MEGF11: variants seen among roughly 807,000 people sequenced by gnomAD.
MEGF11 encodes the protein multiple epidermal growth factor-like domains protein 11.
In MEGF11, 126 loss-of-function variants were observed where a neutral mutation model predicts 146.6. That is an observed-to-expected ratio of 0.86 (90% CI 0.74 to 1.00). The LOEUF is 1.00. Among genes scored for constraint, MEGF11 ranks in the 50% least tolerant of loss-of-function variants. MEGF11 has a pLI of 0.00. For missense variants in MEGF11, 1,509 were observed against 1,521.2 expected (o/e 0.99, Z 0.13); for synonymous variants, 532 against 583.4 (o/e 0.91, Z 1.27).
intron 5 of MEGF11, among the ~76,000 whole-genome samples, chr15:66,087,260 G>A (rs192580968): frequency 4.6e-5 from 7 of 152,238 alleles, no homozygotes; most frequent in Admixed American, 2.0e-4. Flanking sequence ...GCACTAGACA[G>A]GTCATCAAGA....
Position 65,975,261 on chromosome 15 carries a change from G to C in MEGF11, c.763-4572C>G, listed in dbSNP as rs112350404. Among the ~76,000 whole-genome samples, 433 of 152,292 alleles carry C rather than the reference G, an allele frequency of 2.8e-3. 1 individual carries two copies. Among genetic ancestry groups the C allele is most frequent in the African/African-American group, 0.01 (421 of 41,560 alleles). ...GATCCTCCCGCCTCAGCCTTCTGAG[G>C]AGCTGGGACTGCAGGCTCATGCCAC... On this transcript the variant is annotated intron_variant, in intron 7 of 25. Coordinates refer to ENST00000395614, the MANE Select transcript of MEGF11 (RefSeq NM_001385028.1).
intron 10 of MEGF11, among the ~76,000 whole-genome samples, chr15:65,957,169 ATAAT>A (rs2080676641): frequency 1.3e-5 from 2 of 152,244 alleles, no homozygotes; most frequent in African/African-American, 4.8e-5. Context: ...ATTTAAAATG[ATAAT>A]TAAGAAGCCT....
intron 5 of MEGF11, among the ~76,000 whole-genome samples, chr15:66,050,944 A>G (rs2084423912): frequency 6.6e-6 from 1 of 152,238 alleles, no homozygotes; most frequent in Non-Finnish European, 1.5e-5. Flanking sequence ...TTAAAAGATA[A>G]TTAGCCTTAC....
Position 65,970,574 on chromosome 15 carries a change from G to C in MEGF11, c.878C>G (p.Thr293Arg), listed in dbSNP as rs1596931713. Residue 293 changes from threonine (T) to arginine (R), a missense_variant, in exon 8 of 26, where the codon ACA becomes AGA. Coordinates refer to ENST00000395614, the MANE Select transcript of MEGF11 (RefSeq NM_001385028.1). ...CDHVTGQCHC[T>R]AGYMGDRCQE... ...TTACCTGTCCCCCATGTATCCAGCT[G>C]TACAGTGGCACTGTCCAGTCACGTG... 1 of 1,614,026 alleles carries C rather than the reference G, an allele frequency of 6.2e-7. No homozygotes were observed. The highest frequency in any genetic ancestry group is 8.5e-7 in the Non-Finnish European group (1 of 1,179,890).
chr15:65,901,186 C>A (rs150274070), intron 24 of MEGF11, among the ~76,000 whole-genome samples: 288 of 152,198 alleles, frequency 1.9e-3, no homozygotes, highest in African/African-American at 6.6e-3. Flanking sequence ...GTCCAAGAAC[C>A]CCAGCATGGC....
chr15:66,170,719 G>A (rs560430621), intron 1 of MEGF11, among the ~76,000 whole-genome samples: 179 of 152,256 alleles, frequency 1.2e-3, no homozygotes, highest in Non-Finnish European at 2.2e-3. Context: ...ACACTGTGAT[G>A]CCCCTTCCCC....
At chr15:66,208,644 G>A (rs1265371130) in intron 1 of MEGF11, among the ~76,000 whole-genome samples, 1 of 152,074 alleles carries the variant, frequency 6.6e-6, no homozygotes, top group Non-Finnish European at 1.5e-5. Context: ...CACTTTGGGA[G>A]GTCAAGGTGG....
At chr15:65,903,978 C>T (rs936461092) in intron 24 of MEGF11, among the ~76,000 whole-genome samples, 1 of 152,126 alleles carries the variant, frequency 6.6e-6, no homozygotes, top group Non-Finnish European at 1.5e-5. Context: ...TGGCTGGCTG[C>T]CTGCTGAGCC....
At chr15:65,951,687 AAAACAAACAAAC>A (rs373886919) in intron 10 of MEGF11, among the ~76,000 whole-genome samples, 1 of 149,730 alleles carries the variant, frequency 6.7e-6, no homozygotes, top group East Asian at 2.0e-4. Context: ...AGTCCATCTC[AAAACAAACAAAC>A]AAACAAACAA....
At chr15:66,155,798 G>A (rs563291840) in intron 1 of MEGF11, among the ~76,000 whole-genome samples, 1 of 152,284 alleles carries the variant, frequency 6.6e-6, no homozygotes, top group Admixed American at 6.5e-5. Flanking sequence ...TGGAGCCCAA[G>A]TCTGTGTTCT....
intron 1 of MEGF11, among the ~76,000 whole-genome samples, chr15:66,230,952 G>C (rs57239040): frequency 0.022 from 3,400 of 152,240 alleles, 140 homozygotes; most frequent in African/African-American, 0.078. Flanking sequence ...CCCATTCCTG[G>C]CCAAGTGGGC....
chr15:66,252,587 C>CG (rs990568368), intron 1 of MEGF11, among the ~76,000 whole-genome samples: 12 of 152,162 alleles, frequency 7.9e-5, no homozygotes, highest in African/African-American at 2.7e-4. Context: ...CGCCCGGGCT[C>CG]GGGGGCTCTG....
intron 8 of MEGF11, among the ~76,000 whole-genome samples, chr15:65,970,289 G>T (rs1197877075): frequency 2.0e-5 from 3 of 152,220 alleles, no homozygotes; most frequent in Non-Finnish European, 4.4e-5. Flanking sequence ...AGAGTAGAGA[G>T]TGGGGGCAGG....
intron 5 of MEGF11, among the ~76,000 whole-genome samples, chr15:66,044,513 G>T (rs985569664): frequency 6.0e-4 from 91 of 152,086 alleles, no homozygotes; most frequent in Non-Finnish European, 2.1e-4. Context: ...GAGTAAACAG[G>T]TGATGAGATG....
intron 4 of MEGF11, among the ~76,000 whole-genome samples, chr15:66,108,476 A>C (rs945271219): frequency 2.0e-5 from 3 of 152,222 alleles, no homozygotes; most frequent in African/African-American, 7.2e-5. Context: ...AGTGCAAAGA[A>C]AAAAACAAAA....
In MEGF11 at chr15:66,139,672, T is replaced by G. The variant is rs113549089; in HGVS notation, c.-8-11261A>C. Among the ~76,000 whole-genome samples the G allele has an allele frequency of 1.6e-3, 236 of 152,094 alleles. 1 individual carries two copies. The highest frequency in any genetic ancestry group is 5.3e-3 in the African/African-American group (219 of 41,502). On this transcript the variant is annotated intron_variant, in intron 1 of 25. Coordinates refer to ENST00000395614, the MANE Select transcript of MEGF11 (RefSeq NM_001385028.1). ...GGTGGCCGAGGTAACGATCTATTTC[T>G]GGAGCAACTGAAGCCTGTGCTTCCA...
intron 5 of MEGF11, among the ~76,000 whole-genome samples, chr15:66,081,351 A>G (rs2085846841): frequency 6.6e-6 from 1 of 152,208 alleles, no homozygotes; most frequent in Non-Finnish European, 1.5e-5. Context: ...GAGCTGTCAC[A>G]GTGGAAATAG....
chr15:66,084,546 A>G (rs2086023119), intron 5 of MEGF11, among the ~76,000 whole-genome samples: 1 of 152,174 alleles, frequency 6.6e-6, no homozygotes, highest in African/African-American at 2.4e-5. Context: ...CCCCCACTGG[A>G]GAGGCTGAAG....
chr15:65,971,842 A>G (rs1034944165), intron 7 of MEGF11, among the ~76,000 whole-genome samples: 1 of 152,192 alleles, frequency 6.6e-6, no homozygotes, highest in Non-Finnish European at 1.5e-5. Flanking sequence ...CAAATAGGCA[A>G]CAGGAACACA....
Sources: gnomAD v4.1 joint callset for allele counts (sites outside exome capture counted in the v4.1 genomes callset) on GRCh38, gnomAD v4.1.1 for gene constraint, MANE v1.5 for transcripts, NCBI Gene and HGNC (gene_info 2026-07-23, HGNC 2026-07-21) for gene names.